The following TMEM150C variants were observed in gnomAD, a reference collection of about 807,000 sequenced individuals.
The protein encoded by TMEM150C is tentonin 3.
TMEM150C carries 10 observed loss-of-function variants against 29.9 expected under a neutral mutation model. The ratio of observed to expected loss-of-function variants is 0.33; its 90% CI spans 0.21 to 0.57. The LOEUF is 0.57. Ranked by LOEUF, TMEM150C falls within the 20% of genes least tolerant of loss-of-function variation. The pLI is 0.88. For synonymous variants in TMEM150C, 101 were observed against 112.5 expected, an observed-to-expected ratio of 0.90 and a Z score of 0.64; for missense variants, 251 against 303.6, an observed-to-expected ratio of 0.83 and a Z score of 1.29.
chr4:82,540,887 A>T (rs1461612276), intron 1 of TMEM150C, among the ~76,000 whole-genome samples: 1 of 152,204 alleles, frequency 6.6e-6, no homozygotes, highest in African/African-American at 2.4e-5. Flanking sequence ...ATGTATTGTC[A>T]TTAGCTCTAG....
At chr4:82,536,066 T>C (rs116197052) in intron 1 of TMEM150C, among the ~76,000 whole-genome samples, 2,469 of 152,090 alleles carry the variant, frequency 0.016, 68 homozygotes, top group African/African-American at 0.056. Context: ...GTGAGGAATA[T>C]AACAATTATT....
chr4:82,492,316 C>T (rs565809083), intron 6 of TMEM150C, among the ~76,000 whole-genome samples: 1 of 151,294 alleles, frequency 6.6e-6, no homozygotes, highest in African/African-American at 2.4e-5. Flanking sequence ...TTAGTAGAAA[C>T]GGGGTTTCAC....
At chr4:82,502,091 A>G (rs1002741353) in intron 5 of TMEM150C, among the ~76,000 whole-genome samples, 2 of 152,204 alleles carry the variant, frequency 1.3e-5, no homozygotes, top group Non-Finnish European at 2.9e-5. Flanking sequence ...GCTGGTTCCC[A>G]CCATCTCTGG....
At chr4:82,494,379 GGAA>G (rs1278857731) in intron 6 of TMEM150C, among the ~76,000 whole-genome samples, 1 of 152,174 alleles carries the variant, frequency 6.6e-6, no homozygotes, top group Non-Finnish European at 1.5e-5. Context: ...TGAATTTCTA[GGAA>G]GAAGAGTTAG....
chr4:82,561,816 G>T, intron 1 of TMEM150C, 90 bp downstream of exon 1: 2 of 915,826 alleles, frequency 2.2e-6, no homozygotes, highest in Non-Finnish European at 2.6e-6. Context: ...CGCCGTCCCC[G>T]GTCTCCGCCT....
chr4:82,561,775 G>T, intron 1 of TMEM150C, 131 bp downstream of exon 1: 1 of 678,242 alleles, frequency 1.5e-6, no homozygotes, highest in Non-Finnish European at 1.8e-6. Context: ...CAGCCGGGCG[G>T]ACCCAGCCGC....
chr4:82,489,373 TG>T (rs1217878864), intron 7 of TMEM150C, among the ~76,000 whole-genome samples: 1 of 152,082 alleles, frequency 6.6e-6, no homozygotes, highest in Non-Finnish European at 1.5e-5. Flanking sequence ...TGCTTGTTAC[TG>T]GGTGGTTAAG....
At chr4:82,518,942 A>T (rs922570659) in intron 1 of TMEM150C, among the ~76,000 whole-genome samples, 1 of 152,228 alleles carries the variant, frequency 6.6e-6, no homozygotes, top group East Asian at 1.9e-4. Flanking sequence ...TTCTCAAATC[A>T]GTTATACTCC....
intron 1 of TMEM150C, among the ~76,000 whole-genome samples, chr4:82,532,680 G>C (rs866396272): frequency 7.9e-5 from 12 of 151,442 alleles, no homozygotes; most frequent in Admixed American, 6.6e-5. Context: ...TTACAGCAAG[G>C]CAAAATAATT....
In TMEM150C at chr4:82,490,212, G is replaced by A. The variant is rs780697664; in HGVS notation, c.390C>T (p.Asn130=). The A allele has an allele frequency of 2.5e-5, 41 of 1,613,826 alleles. No homozygotes were observed. Among genetic ancestry groups the A allele is most frequent in the South Asian group, 1.9e-4 (17 of 91,078 alleles). Residue 130 remains asparagine (N), a synonymous_variant, in exon 7 of 8, where the codon AAC becomes AAT. Transcript: ENST00000449862. The part of the protein sequence containing the change: ...FQLTNDEEIH[N]VGTSLTFGFG... ...ATCCAAAGGTCAAGGAAGTTCCGAC[G>A]TTATGGATTTCTTCATCATTTGTGA...
chr4:82,532,364 G>A (rs1724874547), intron 1 of TMEM150C, among the ~76,000 whole-genome samples: 1 of 151,998 alleles, frequency 6.6e-6, no homozygotes, highest in Non-Finnish European at 1.5e-5. Context: ...AGAAAGGAGG[G>A]AAGGAAGAGA....
At chr4:82,524,483 G>A (rs1438617160) in intron 1 of TMEM150C, among the ~76,000 whole-genome samples, 1 of 151,968 alleles carries the variant, frequency 6.6e-6, no homozygotes, top group African/African-American at 2.4e-5. Context: ...CTTTTAAATC[G>A]CAAACAAATT....
At chr4:82,524,075 G>A (rs1724574862) in intron 1 of TMEM150C, among the ~76,000 whole-genome samples, 1 of 150,078 alleles carries the variant, frequency 6.7e-6, no homozygotes, top group African/African-American at 2.5e-5. Flanking sequence ...TGGCTAACAC[G>A]GTGAAACCCC....
At chr4:82,515,736 CAAA>C (rs557328249) in intron 1 of TMEM150C, among the ~76,000 whole-genome samples, 11 of 115,146 alleles carry the variant, frequency 9.6e-5, no homozygotes, top group Admixed American at 2.7e-4. Context: ...GACTCTATCT[CAAA>C]AAAAAAAAAA....
intron 1 of TMEM150C, among the ~76,000 whole-genome samples, chr4:82,542,191 C>A (rs1316385666): frequency 6.6e-6 from 1 of 151,998 alleles, no homozygotes; most frequent in East Asian, 1.9e-4. Context: ...GGAAGCCAGT[C>A]AATATTTAGG....
chr4:82,550,518 G>C (rs1308391063), intron 1 of TMEM150C, among the ~76,000 whole-genome samples: 2 of 152,130 alleles, frequency 1.3e-5, no homozygotes, highest in African/African-American at 4.8e-5. Context: ...GAGCTGGAAG[G>C]AGCCAGGCAC....
At chr4:82,537,264 C>T (rs983390276) in intron 1 of TMEM150C, among the ~76,000 whole-genome samples, 28 of 152,216 alleles carry the variant, frequency 1.8e-4, no homozygotes, top group African/African-American at 6.7e-4. Context: ...GGATTACAGG[C>T]GTGAGCCACC....
chr4:82,521,661 G>C (rs1211992248), intron 1 of TMEM150C, among the ~76,000 whole-genome samples: 1 of 152,224 alleles, frequency 6.6e-6, no homozygotes, highest in African/African-American at 2.4e-5. Context: ...CTATCAGCAA[G>C]AGTATCTTGG....
intron 5 of TMEM150C, among the ~76,000 whole-genome samples, chr4:82,498,009 G>A (rs1172229484): frequency 7.9e-6 from 1 of 125,856 alleles, no homozygotes; most frequent in Non-Finnish European, 1.6e-5. Context: ...TACTAAGACA[G>A]CACACTTAAT....
Sources: allele counts gnomAD v4.1 joint callset (sites outside exome capture counted in the v4.1 genomes callset), GRCh38; gene constraint gnomAD v4.1.1; transcripts MANE v1.5; gene names NCBI Gene and HGNC (gene_info 2026-07-23, HGNC 2026-07-21).